Variants in GPA33 observed in about 807,000 individuals in gnomAD.
The protein encoded by GPA33 is glycoprotein A33.
GPA33 carries 27 observed loss-of-function variants against 35.6 expected under a neutral mutation model. That is an observed-to-expected ratio of 0.76 (90% CI 0.56 to 1.04). GPA33 has a LOEUF of 1.04. GPA33 is among the 50% of genes least tolerant of loss of function. The pLI, the probability that GPA33 is intolerant of heterozygous loss-of-function variation, is 0.00. For synonymous variants in GPA33, 176 were observed against 164.0 expected, an observed-to-expected ratio of 1.07 and a Z score of -0.56; for missense variants, 428 against 411.9, an observed-to-expected ratio of 1.04 and a Z score of -0.34.
Position 167,064,209 on chromosome 1 carries a change from GGGAGGC to G in GPA33, c.416-478_416-473del, listed in dbSNP as rs565358847. 7.9e-5 allele frequency among the ~76,000 whole-genome samples: 12 copies of G among 152,238 alleles called. No individual in the cohort carries two copies. In the East Asian group the frequency reaches 1.9e-3, roughly 24 times the overall value. Reference sequence around the variant, plus strand: ...TGAAGCAGGAGAATTGCTTGAATCTGGGAGGCGGAGGTTGCAGTGAGCTGAGATCGT... The same window carrying G: ...TGAAGCAGGAGAATTGCTTGAATCTGGGAGGTTGCAGTGAGCTGAGATCGT... On this transcript the variant is annotated intron_variant, in intron 3 of 6. Coordinates refer to ENST00000367868, the MANE Select transcript of GPA33 (RefSeq NM_005814.3).
In GPA33 at chr1:167,059,008, A is replaced by T. The variant is rs901893261; in HGVS notation, c.572-3159T>A. On this transcript the variant is annotated intron_variant, in intron 4 of 6. Coordinates refer to ENST00000367868, the MANE Select transcript of GPA33 (RefSeq NM_005814.3). ...AGATCCCCACCACTTAAGAGTGTGA[A>T]GCTCGGACTCTGGATTTAGTGTAGG... is the stretch of plus-strand genomic sequence containing the variant. Among the ~76,000 whole-genome samples, 5 of 152,204 alleles carry T rather than the reference A, an allele frequency of 3.3e-5. 1 individual carries two copies. The highest frequency in any genetic ancestry group is 1.2e-4 in the African/African-American group (5 of 41,464).
rs751023332 is a variant in GPA33, at chr1:167,054,433, C to G, written c.861G>C (p.Gln287His). 2 of 1,614,144 alleles carry G rather than the reference C, an allele frequency of 1.2e-6. No homozygotes were observed. The highest frequency in any genetic ancestry group is 2.2e-5 in the South Asian group (2 of 91,084). ...NREAYEEPPE[Q>H]LRELSREREE... ...CCCTCTCTCTGGAAAGTTCTCTTAG[C>G]TGCTCTGGTGGCTCCTCATAGGCTT... Residue 287 changes from glutamine (Q) to histidine (H), a missense_variant, in exon 7 of 7, where the codon CAG (glutamine) becomes CAC (histidine). Coordinates refer to ENST00000367868, the MANE Select transcript of GPA33 (RefSeq NM_005814.3).
intron 1 of GPA33, among the ~76,000 whole-genome samples, chr1:167,076,395 C>T (rs1423730310): frequency 6.6e-6 from 1 of 152,120 alleles, no homozygotes; most frequent in Admixed American, 6.5e-5. Context: ...CAAGTTCTTA[C>T]TGAATGTTCC....
chr1:167,057,197 G>C (rs1012375635), intron 4 of GPA33, among the ~76,000 whole-genome samples: 1 of 152,044 alleles, frequency 6.6e-6, no homozygotes, highest in South Asian at 2.1e-4. Context: ...GAAAACACCT[G>C]ATCCTCCTGA....
intron 4 of GPA33, among the ~76,000 whole-genome samples, chr1:167,062,776 C>G (rs1050698889): frequency 6.7e-6 from 1 of 150,122 alleles, no homozygotes; most frequent in Admixed American, 6.8e-5. Flanking sequence ...GGGACCCTTA[C>G]AGCAACATGG....
intron 4 of GPA33, among the ~76,000 whole-genome samples, chr1:167,057,921 G>A (rs1481541682): frequency 6.6e-6 from 1 of 152,186 alleles, no homozygotes; most frequent in African/African-American, 2.4e-5. Flanking sequence ...ATTTGTGGCC[G>A]GGTACATTGG....
rs767693291 is a variant in GPA33, at chr1:167,054,324, T to C, written c.*10A>G. The C allele has an allele frequency of 3.7e-6, 6 of 1,613,960 alleles. No individual in the cohort carries two copies. In the South Asian group the frequency reaches 6.6e-5, roughly 18 times the overall value. ...TAACCCTTCCTCCGCCGCCCTCTGC[T>C]GCTGGCCTGTCACTGGTCGAGGTGG... On this transcript the variant is annotated 3_prime_UTR_variant, in exon 7 of 7. Transcript: ENST00000367868.
At chr1:167,063,153 C>T (rs1225802127) in intron 4 of GPA33, among the ~76,000 whole-genome samples, 1 of 152,216 alleles carries the variant, frequency 6.6e-6, no homozygotes, top group Non-Finnish European at 1.5e-5. Flanking sequence ...GCTGGCCGGG[C>T]GCGATGGCTC....
chr1:167,086,890 A>AGT (rs3051362), intron 1 of GPA33, among the ~76,000 whole-genome samples: 293 of 151,472 alleles, frequency 1.9e-3, no homozygotes, highest in African/African-American at 5.3e-3. Context: ...TGTGTAAGTA[A>AGT]GTGTGTGTGT....
At chr1:167,070,110 G>A (rs1393394909) in intron 2 of GPA33, among the ~76,000 whole-genome samples, 1 of 152,186 alleles carries the variant, frequency 6.6e-6, no homozygotes, top group Non-Finnish European at 1.5e-5. Context: ...AATTAGCCAG[G>A]CAAAGGGCTG....
At chr1:167,061,823 C>T (rs376445751) in intron 4 of GPA33, among the ~76,000 whole-genome samples, 77 of 152,112 alleles carry the variant, frequency 5.1e-4, no homozygotes, top group African/African-American at 1.7e-3. Flanking sequence ...AGGATGGTCT[C>T]GATCTCCTGA....
rs1666582605 is a variant in GPA33, at chr1:167,065,913, A to G, written c.416-2176T>C. 2.6e-5 allele frequency among the ~76,000 whole-genome samples: 4 copies of G among 152,064 alleles called. No homozygotes were observed. In the South Asian group the frequency reaches 8.3e-4, roughly 32 times the overall value. On this transcript the variant is annotated intron_variant, in intron 3 of 6. Transcript: ENST00000367868. ...TGTGGGGAGGGGGAGTCTGCGGCTT[A>G]AGGACCACTCTTACCAGCAGCCAAC... is the stretch of plus-strand genomic sequence containing the variant.
chr1:167,071,551 C>A (rs2312489), intron 2 of GPA33, among the ~76,000 whole-genome samples: 41,982 of 152,052 alleles, frequency 0.28, 6,553 homozygotes, highest in East Asian at 0.78. Context: ...GGCAACAGAC[C>A]AGGTTGAGGC....
Position 167,090,321 on chromosome 1 carries a change from G to GTCA in GPA33, c.-37_-35dup. The GTCA allele has an allele frequency of 6.3e-7, 1 of 1,593,156 alleles. No homozygotes were observed. The highest frequency in any genetic ancestry group is 8.6e-7 in the Non-Finnish European group (1 of 1,161,310). ...TTCTTCTCTGCCCTAAACCTAACCT[G>GTCA]TCACTGGCAGCCTCCAGACAGGTCT... On this transcript the variant is annotated 5_prime_UTR_variant, in exon 1 of 7. It adds an upstream start codon to the 5' untranslated region. Transcript: ENST00000367868.
chr1:167,075,533 G>C (rs1419775785), intron 1 of GPA33, among the ~76,000 whole-genome samples: 1 of 152,212 alleles, frequency 6.6e-6, no homozygotes, highest in East Asian at 1.9e-4. Context: ...TAAGGAAGGA[G>C]GAAGTTTCAG....
At chr1:167,088,663 G>T (rs1396788966) in intron 1 of GPA33, among the ~76,000 whole-genome samples, 1 of 152,158 alleles carries the variant, frequency 6.6e-6, no homozygotes, top group Non-Finnish European at 1.5e-5. Context: ...CAGAGTTACG[G>T]CCACTTTTCC....
At chr1:167,082,249 G>C in intron 1 of GPA33, 2 of 456,262 alleles carry the variant, frequency 4.4e-6, no homozygotes, top group South Asian at 3.1e-5. Flanking sequence ...AGTTACCTGT[G>C]GATTCTGAGA....
chr1:167,063,789 A>T, intron 3 of GPA33, 52 bp from the exon 4 acceptor site: 2 of 1,478,700 alleles, frequency 1.4e-6, no homozygotes, highest in South Asian at 2.3e-5. Flanking sequence ...GGGCTTGGTG[A>T]CAGCCACCCA....
intron 4 of GPA33, among the ~76,000 whole-genome samples, chr1:167,057,908 A>G (rs1306496934): frequency 2.6e-5 from 4 of 152,238 alleles, no homozygotes; most frequent in Non-Finnish European, 5.9e-5. Flanking sequence ...TTTTCTTTTA[A>G]AAATTTGTGG....
Sources: gnomAD v4.1 joint callset for allele counts (sites outside exome capture counted in the v4.1 genomes callset) on GRCh38, gnomAD v4.1.1 for gene constraint, MANE v1.5 for transcripts, NCBI Gene and HGNC (gene_info 2026-07-23, HGNC 2026-07-21) for gene names.